ATAD5: variants seen among roughly 807,000 people sequenced by gnomAD.
ATAD5 encodes ATPase family AAA domain-containing protein 5.
A neutral mutation model predicts 176.9 loss-of-function variants in ATAD5; 58 were observed. The observed-to-expected ratio is 0.33, with a 90% CI of 0.27 to 0.41. The LOEUF is 0.41. Among genes scored for constraint, ATAD5 ranks in the 10% least tolerant of loss-of-function variants. The pLI is 1.00. For synonymous variants in ATAD5, 640 were observed against 712.6 expected (o/e 0.90, Z 1.62); for missense variants, 1,789 against 2,094.1 (o/e 0.85, Z 2.84).
At chr17:30,854,915 C>A (rs1907201594) in intron 6 of ATAD5, among the ~76,000 whole-genome samples, 1 of 151,794 alleles carries the variant, frequency 6.6e-6, no homozygotes, top group African/African-American at 2.4e-5. Context: ...TTTGCCACCA[C>A]ACCTGGCTAA....
At chr17:30,878,774 CA>C (rs1908839685) in intron 17 of ATAD5, among the ~76,000 whole-genome samples, 1 of 125,594 alleles carries the variant, frequency 8.0e-6, no homozygotes, top group African/African-American at 3.2e-5. Context: ...CTCTGTTGCC[CA>C]GGCTGGAGTG....
At chr17:30,876,617 G>T in intron 15 of ATAD5, 67 bp downstream of exon 15, 6 of 949,206 alleles carry the variant, frequency 6.3e-6, no homozygotes, top group East Asian at 3.3e-5. Flanking sequence ...AAAAATGTGA[G>T]CACATTTTAC....
In ATAD5 at chr17:30,869,618, T is replaced by TA. The variant is rs766057126; in HGVS notation, c.3581dup (p.Asn1194LysfsTer2). ...TAAACTCACAAAAACCCTGTTTTTTTAATAGCTACTACATAGGCAAGTCAC... is the reference window on the plus strand; with the variant it reads ...TAAACTCACAAAAACCCTGTTTTTTTAAATAGCTACTACATAGGCAAGTCAC... On this transcript the variant is annotated frameshift_variant, in exon 14 of 23. Coordinates refer to ENST00000321990, the MANE Select transcript of ATAD5 (RefSeq NM_024857.5). LOFTEE classifies it high-confidence loss of function. 1 of 1,602,318 alleles carries TA rather than the reference T, an allele frequency of 6.2e-7. No individual in the cohort carries two copies. The highest frequency in any genetic ancestry group is 1.1e-5 in the South Asian group (1 of 87,786).
intron 17 of ATAD5, 116 bp from the exon 18 acceptor site, chr17:30,879,307 G>C: frequency 8.8e-7 from 1 of 1,135,814 alleles, no homozygotes; most frequent in South Asian, 1.4e-5. Context: ...ACAGCACTAG[G>C]CAGTGGTGGG....
chr17:30,845,769 C>A (rs573930182), intron 6 of ATAD5, among the ~76,000 whole-genome samples: 31 of 152,054 alleles, frequency 2.0e-4, no homozygotes, highest in African/African-American at 7.0e-4. Flanking sequence ...ATGTAGGAGT[C>A]CAGGTATTGT....
At chr17:30,874,172 A>G (rs945209800) in intron 14 of ATAD5, among the ~76,000 whole-genome samples, 2 of 149,100 alleles carry the variant, frequency 1.3e-5, no homozygotes, top group African/African-American at 4.9e-5. Flanking sequence ...CTCAGAAAAA[A>G]TAAATAAATA....
At chr17:30,863,312 C>T (rs1907753859) in intron 10 of ATAD5, among the ~76,000 whole-genome samples, 1 of 152,146 alleles carries the variant, frequency 6.6e-6, no homozygotes, top group East Asian at 1.9e-4. Flanking sequence ...TCTTCTGCCT[C>T]AGCCTCCTGA....
rs543188380 is a variant in ATAD5, at chr17:30,874,380, A to G, written c.3608-1994A>G. 6.0e-5 allele frequency among the ~76,000 whole-genome samples: 9 copies of G among 150,478 alleles called. 1 individual carries two copies. The South Asian group carries it at 1.9e-3, about 33-fold the overall frequency. On this transcript the variant is annotated intron_variant, in intron 14 of 22. Coordinates refer to ENST00000321990, the MANE Select transcript of ATAD5 (RefSeq NM_024857.5). ...ATATGTTGAAATCCCGTCTCTACTA[A>G]AAATACAAAAATTAGCTGGGCATGG...
chr17:30,832,026 A>G lies in ATAD5; in HGVS notation c.-322A>G, dbSNP rs1435880119. The G allele has an allele frequency of 2.7e-6, 1 of 371,510 alleles. No homozygotes were observed. The allele number at this position is 371,510 out of a possible 1,614,324, so 23.0% of individuals were successfully genotyped here. On this transcript the variant is annotated 5_prime_UTR_variant, in exon 1 of 23. Transcript: ENST00000321990. ...ATTCCCTCCGAAGCTCTGTGGTCCGATCTGCGGTCCGCTTGCTTTCCCTGC... is the reference window on the plus strand; with the variant it reads ...ATTCCCTCCGAAGCTCTGTGGTCCGGTCTGCGGTCCGCTTGCTTTCCCTGC...
At chr17:30,839,131 G>A (rs945730396) in intron 3 of ATAD5, among the ~76,000 whole-genome samples, 1 of 152,052 alleles carries the variant, frequency 6.6e-6, no homozygotes, top group Non-Finnish European at 1.5e-5. Flanking sequence ...ACTGTGCCTG[G>A]CCAGATTTTT....
intron 6 of ATAD5, among the ~76,000 whole-genome samples, chr17:30,847,262 A>T (rs1035553548): frequency 1.3e-5 from 2 of 152,086 alleles, no homozygotes; most frequent in African/African-American, 4.8e-5. Context: ...GCAAGGTAGC[A>T]TATCAGTTGT....
At chr17:30,885,181 T>C (rs1275431379) in intron 18 of ATAD5, among the ~76,000 whole-genome samples, 2 of 152,202 alleles carry the variant, frequency 1.3e-5, no homozygotes, top group Non-Finnish European at 2.9e-5. Flanking sequence ...GCTTTTTTTC[T>C]ATTTTTTAAA....
In ATAD5 at chr17:30,835,904, C is replaced by T. The variant is rs774724480; in HGVS notation, c.1823C>T (p.Thr608Ile). Reference protein sequence around the residue: ...GRISSTPTTETIRGIDSDDVQ... With the variant: ...GRISSTPTTEIIRGIDSDDVQ... ...ATTAGCAGCACACCTACTACAGAAA[C>T]CATTAGAGGTATTGATTCTGACGAT... The change falls in exon 2 of 23, where the codon ACC (threonine) becomes ATC (isoleucine). Residue 608 changes from threonine (T) to isoleucine (I), a missense_variant. This residue lies in a region of ATAD5 where 696 missense variants were observed against 712.5 expected (regional missense o/e 0.98). Transcript: ENST00000321990. The T allele has an allele frequency of 7.4e-6, 12 of 1,614,008 alleles. No individual in the cohort carries two copies. The African/African-American group carries it at 1.3e-4, about 18-fold the overall frequency.
At chr17:30,885,908 C>CAA (rs1909300004) in intron 18 of ATAD5, among the ~76,000 whole-genome samples, 5 of 151,744 alleles carry the variant, frequency 3.3e-5, no homozygotes, top group Non-Finnish European at 7.4e-5. Context: ...GAGCCTTGGC[C>CAA]CCCAGGCTAT....
intron 14 of ATAD5, chr17:30,869,891 C>A: frequency 2.4e-6 from 1 of 409,096 alleles, no homozygotes; most frequent in East Asian, 5.6e-5. Flanking sequence ...ATATCGTAAT[C>A]AGACCCAACA....
At chr17:30,871,921 C>G (rs1375993572) in intron 14 of ATAD5, among the ~76,000 whole-genome samples, 1 of 151,810 alleles carries the variant, frequency 6.6e-6, no homozygotes, top group Non-Finnish European at 1.5e-5. Flanking sequence ...ATCTTCAGGT[C>G]TTGTGTATGT....
chr17:30,837,169 C>A (rs1428259061), intron 2 of ATAD5, 37 bp from the exon 3 acceptor site: 2 of 1,152,800 alleles, frequency 1.7e-6, no homozygotes, highest in Non-Finnish European at 1.2e-6. Flanking sequence ...ATGTTATAAT[C>A]ATGAAAATGT....
At chr17:30,841,127 G>A (rs772263474) in intron 4 of ATAD5, among the ~76,000 whole-genome samples, 11 of 151,568 alleles carry the variant, frequency 7.3e-5, no homozygotes, top group East Asian at 3.9e-4. Flanking sequence ...CTCCTGCCTC[G>A]GCCTCCCAAG....
At chr17:30,841,160 C>A (rs1181009798) in intron 4 of ATAD5, among the ~76,000 whole-genome samples, 13 of 152,102 alleles carry the variant, frequency 8.5e-5, no homozygotes, top group Admixed American at 6.6e-5. Flanking sequence ...CGAGTGTGTA[C>A]CACCATGCCC....
Sources: gnomAD v4.1 joint callset for allele counts (sites outside exome capture counted in the v4.1 genomes callset) on GRCh38, gnomAD v4.1.1 for gene constraint, gnomAD v4.1.1 regional missense constraint, MANE v1.5 for transcripts, NCBI Gene and HGNC (gene_info 2026-07-23, HGNC 2026-07-21) for gene names.